Variants in ZNF529 observed in about 807,000 individuals in gnomAD.
ZNF529 encodes zinc finger protein 529.
Under a neutral mutation model 10.1 loss-of-function variants are expected in ZNF529, and 11 were observed. The observed-to-expected ratio is 1.09, with a 90% confidence interval of 0.69 to 1.81. The LOEUF is 1.81. Ranked by LOEUF, ZNF529 falls within the 40% of genes most tolerant of loss-of-function variation. The pLI, the probability that ZNF529 is intolerant of heterozygous loss-of-function variation, is 0.00. For synonymous variants in ZNF529, 204 were observed against 215.7 expected, an observed-to-expected ratio of 0.95 and a Z score of 0.47; for missense variants, 624 against 666.8, an observed-to-expected ratio of 0.94 and a Z score of 0.71.
rs1480544547 is a variant in ZNF529, at chr19:36,554,661, TA to T, written c.235+8del. 6.5e-7 allele frequency: 1 copy of T among 1,542,636 alleles called. No homozygotes were observed. The highest frequency in any genetic ancestry group is 2.4e-5 in the East Asian group (1 of 41,492). Reference sequence around the variant, plus strand: ...TATATTCTAAGTTATTTAAGGCAGATAAATTTACCCAGTGAGAGTAAGTTGC... The same window carrying T: ...TATATTCTAAGTTATTTAAGGCAGATAATTTACCCAGTGAGAGTAAGTTGC... On this transcript the variant is annotated splice_region_variant and intron_variant, in intron 4 of 4. Transcript: ENST00000591340.
upstream of ZNF529, among the ~76,000 whole-genome samples, chr19:36,578,130 T>C (rs2036374459): frequency 7.1e-6 from 1 of 141,380 alleles, no homozygotes; most frequent in African/African-American, 2.7e-5. Flanking sequence ...AGTGGTGCTA[T>C]CTCGGCTCAC....
At chr19:36,604,170 A>C (rs536645893) in intron 1 of ZNF529, among the ~76,000 whole-genome samples, 1 of 152,146 alleles carries the variant, frequency 6.6e-6, no homozygotes, top group Non-Finnish European at 1.5e-5. Flanking sequence ...ACAAGAGCAA[A>C]ACTCCATCTC....
intron 1 of ZNF529, among the ~76,000 whole-genome samples, chr19:36,601,712 ATAAAC>A (rs1361970885): frequency 6.6e-6 from 1 of 152,118 alleles, no homozygotes; most frequent in Non-Finnish European, 1.5e-5. Flanking sequence ...TATATAAATA[ATAAAC>A]TATAGAACAG....
In ZNF529 at chr19:36,572,367, A is replaced by C. The variant is rs1376576623; in HGVS notation, c.-21T>G. On this transcript the variant is annotated 5_prime_UTR_variant, in exon 2 of 5. Transcript: ENST00000591340. ...GCCATTAGTACCAATGCTGTCTTCC[A>C]CTTCAGGGGGCCTTCACTTGCAGAA... 1 of 1,551,242 alleles carries C rather than the reference A, an allele frequency of 6.4e-7. No homozygotes were observed. The highest frequency in any genetic ancestry group is 8.7e-7 in the Non-Finnish European group (1 of 1,146,890).
intron 4 of ZNF529, 98 bp from the exon 5 acceptor site, chr19:36,548,420 G>A: frequency 8.6e-7 from 1 of 1,157,538 alleles, no homozygotes. Context: ...TACATGAATT[G>A]GTTAAAATAC....
intron 2 of ZNF529, among the ~76,000 whole-genome samples, chr19:36,566,964 C>T (rs1005338897): frequency 3.3e-5 from 5 of 150,904 alleles, no homozygotes; most frequent in African/African-American, 7.3e-5. Context: ...TGCAGTGAGC[C>T]GAGATCGCGC....
chr19:36,602,336 G>A (rs746953528), intron 1 of ZNF529, among the ~76,000 whole-genome samples: 3 of 152,068 alleles, frequency 2.0e-5, no homozygotes, highest in Non-Finnish European at 2.9e-5. Flanking sequence ...GTGAGCCACC[G>A]CGCCTGGCCA....
chr19:36,554,942 G>A (rs1315012950), intron 3 of ZNF529, 146 bp from the exon 4 acceptor site: 2 of 613,106 alleles, frequency 3.3e-6, no homozygotes, highest in Non-Finnish European at 4.9e-6. Flanking sequence ...AAGGAAATTA[G>A]TGCTTCCAAA....
At chr19:36,592,764 T>C (rs1442606978) in intron 1 of ZNF529, among the ~76,000 whole-genome samples, 2 of 152,174 alleles carry the variant, frequency 1.3e-5, no homozygotes, top group Non-Finnish European at 2.9e-5. Flanking sequence ...CAGGATTCCA[T>C]GTAGGCCAAT....
chr19:36,579,492 A>C (rs966039504), intron 2 of ZNF529, among the ~76,000 whole-genome samples: 1 of 152,242 alleles, frequency 6.6e-6, no homozygotes, highest in Non-Finnish European at 1.5e-5. Flanking sequence ...CACAAACAGC[A>C]ATGGGGTAGC....
intron 2 of ZNF529, among the ~76,000 whole-genome samples, chr19:36,584,372 G>T (rs981742188): frequency 3.9e-5 from 6 of 152,136 alleles, no homozygotes; most frequent in Non-Finnish European, 8.8e-5. Flanking sequence ...TTTAAATGAT[G>T]AGCAAGGAAA....
chr19:36,565,021 C>T (rs1035591142), intron 2 of ZNF529, among the ~76,000 whole-genome samples: 22 of 152,096 alleles, frequency 1.4e-4, no homozygotes, highest in Non-Finnish European at 2.9e-4. Context: ...GTTCTCACTG[C>T]TAAGTGGGAG....
intron 4 of ZNF529, among the ~76,000 whole-genome samples, chr19:36,553,431 C>T (rs939986086): frequency 2.0e-5 from 3 of 152,018 alleles, no homozygotes; most frequent in Non-Finnish European, 4.4e-5. Flanking sequence ...TGAGCCACCA[C>T]GCCCAGCCAA....
chr19:36,564,501 C>A (rs891259286), intron 2 of ZNF529, among the ~76,000 whole-genome samples: 1 of 152,102 alleles, frequency 6.6e-6, no homozygotes, highest in African/African-American at 2.4e-5. Flanking sequence ...TTAAATGCCC[C>A]ACACCACTAA....
intron 2 of ZNF529, among the ~76,000 whole-genome samples, chr19:36,560,575 C>A (rs1056090214): frequency 6.6e-6 from 1 of 151,998 alleles, no homozygotes; most frequent in South Asian, 2.1e-4. Context: ...AAAGGTTCTC[C>A]TTTCTTCTCA....
At chr19:36,597,196 C>A (rs2036854981) in intron 1 of ZNF529, among the ~76,000 whole-genome samples, 1 of 152,022 alleles carries the variant, frequency 6.6e-6, no homozygotes, top group Non-Finnish European at 1.5e-5. Context: ...ATTGTTTAGT[C>A]CAGTTTCATT....
At chr19:36,558,852 C>T (rs2035575124) in intron 2 of ZNF529, among the ~76,000 whole-genome samples, 1 of 151,506 alleles carries the variant, frequency 6.6e-6, no homozygotes, top group Non-Finnish European at 1.5e-5. Context: ...TGACATTCTA[C>T]AGCATGGGAG....
intron 2 of ZNF529, among the ~76,000 whole-genome samples, chr19:36,562,240 CTTATTCCATTA>C (rs1200743749): frequency 3.3e-5 from 5 of 152,022 alleles, no homozygotes; most frequent in East Asian, 3.9e-4. Flanking sequence ...AAATGTCTGC[CTTATTCCATTA>C]TTATTCCATT....
chr19:36,586,223 T>C (rs1162675654), intron 2 of ZNF529, among the ~76,000 whole-genome samples: 2 of 152,204 alleles, frequency 1.3e-5, no homozygotes, highest in Admixed American at 6.5e-5. Context: ...ACCCACCTAA[T>C]AGTACTAAAA....
Sources: allele counts gnomAD v4.1 joint callset (sites outside exome capture counted in the v4.1 genomes callset), GRCh38; gene constraint gnomAD v4.1.1; transcripts MANE v1.5; gene names NCBI Gene and HGNC (gene_info 2026-07-23, HGNC 2026-07-21).